Variants in MAF observed in about 807,000 individuals in gnomAD.
MAF encodes the protein transcription factor Maf.
In MAF, 10 loss-of-function variants were observed where a neutral mutation model predicts 22.0. The ratio of observed to expected loss-of-function variants is 0.45; its 90% CI spans 0.28 to 0.77. The LOEUF (loss-of-function observed/expected upper bound fraction) is 0.77, where lower values mean the gene tolerates loss of function less well. Ranked by LOEUF, MAF falls within the 30% of genes least tolerant of loss-of-function variation. The pLI is 0.12. For missense variants in MAF, 544 were observed against 548.4 expected, an observed-to-expected ratio of 0.99 and a Z score of 0.08; for synonymous variants, 337 against 255.8, an observed-to-expected ratio of 1.32 and a Z score of -3.03.
the MAF span, among the ~76,000 whole-genome samples, chr16:79,571,329 T>G: frequency 6.6e-6 from 1 of 151,970 alleles, no homozygotes; most frequent in African/African-American, 2.4e-5. Context: ...CAGATACACT[T>G]TCATTTTCCA....
the MAF span, among the ~76,000 whole-genome samples, chr16:79,574,338 A>T: frequency 3.9e-5 from 6 of 152,226 alleles, no homozygotes; most frequent in Admixed American, 3.3e-4. Flanking sequence ...GATGACAAAT[A>T]AATAAATATT....
At chr16:79,476,793 A>G in the MAF span, among the ~76,000 whole-genome samples, 7 of 152,202 alleles carry the variant, frequency 4.6e-5, no homozygotes, top group Non-Finnish European at 7.3e-5. Context: ...GTCACCCATT[A>G]CCTGGGTAAC....
chr16:79,553,998 A>G, the MAF span, among the ~76,000 whole-genome samples: 1 of 152,160 alleles, frequency 6.6e-6, no homozygotes, highest in Non-Finnish European at 1.5e-5. Context: ...CTGAGGCAGG[A>G]GAATTGCTTG....
chr16:79,508,481 T>C, the MAF span, among the ~76,000 whole-genome samples: 1 of 152,162 alleles, frequency 6.6e-6, no homozygotes, highest in Non-Finnish European at 1.5e-5. Flanking sequence ...ACTCCTGCTG[T>C]TGCCAGTCCC....
At chr16:79,249,966 C>T in the MAF span, among the ~76,000 whole-genome samples, 1 of 152,162 alleles carries the variant, frequency 6.6e-6, no homozygotes, top group Admixed American at 6.5e-5. Context: ...AATACAGGTC[C>T]CAGAGGGGTT....
the MAF span, among the ~76,000 whole-genome samples, chr16:79,224,759 C>T: frequency 2.6e-5 from 4 of 152,116 alleles, no homozygotes; most frequent in African/African-American, 7.2e-5. Context: ...CTCCTATTCA[C>T]AATTGCTACA....
At chr16:79,520,031 C>A in the MAF span, among the ~76,000 whole-genome samples, 1 of 152,192 alleles carries the variant, frequency 6.6e-6, no homozygotes, top group African/African-American at 2.4e-5. Flanking sequence ...GTAAATACCC[C>A]AAGCGTGTGC....
At chr16:79,527,371 C>A in the MAF span, among the ~76,000 whole-genome samples, 1 of 152,170 alleles carries the variant, frequency 6.6e-6, no homozygotes, top group Non-Finnish European at 1.5e-5. Context: ...CCCCAAGTGA[C>A]AAAAATCATT....
the MAF span, among the ~76,000 whole-genome samples, chr16:79,375,665 G>A: frequency 2.0e-5 from 3 of 152,018 alleles, no homozygotes; most frequent in East Asian, 5.8e-4. Context: ...ACTTCCCTGG[G>A]CATTTGACTC....
chr16:79,588,313 G>C (rs539309163), intron 1 of MAF, among the ~76,000 whole-genome samples: 2 of 152,338 alleles, frequency 1.3e-5, no homozygotes, highest in African/African-American at 2.4e-5. Flanking sequence ...ATTGCCCTAA[G>C]ACAGCAGTTT....
the MAF span, among the ~76,000 whole-genome samples, chr16:79,399,691 T>G: frequency 1.3e-5 from 2 of 152,198 alleles, no homozygotes; most frequent in South Asian, 4.1e-4. Flanking sequence ...CTAAGAAACA[T>G]AACCGAGATC....
the MAF span, among the ~76,000 whole-genome samples, chr16:79,347,902 G>T: frequency 6.6e-6 from 1 of 152,316 alleles, no homozygotes; most frequent in South Asian, 2.1e-4. Flanking sequence ...CGTGGTGGAA[G>T]AAAGGGATGT....
chr16:79,275,781 A>G, the MAF span, among the ~76,000 whole-genome samples: 1 of 152,202 alleles, frequency 6.6e-6, no homozygotes. Context: ...ACCATAGTGA[A>G]GTATCTCTTC....
chr16:79,375,495 G>A, the MAF span, among the ~76,000 whole-genome samples: 37 of 152,178 alleles, frequency 2.4e-4, no homozygotes, highest in Admixed American at 9.2e-4. Flanking sequence ...TGAAGATAAT[G>A]ATGGTGATGA....
At chr16:79,296,424 G>C in the MAF span, among the ~76,000 whole-genome samples, 32 of 152,148 alleles carry the variant, frequency 2.1e-4, no homozygotes, top group African/African-American at 7.7e-4. Context: ...GCGGGGTGTA[G>C]TGCCTAGGTG....
chr16:79,534,775 T>C, the MAF span, among the ~76,000 whole-genome samples: 4 of 152,144 alleles, frequency 2.6e-5, no homozygotes, highest in Admixed American at 1.3e-4. Context: ...CTGTGACCAG[T>C]TGTCAGGCAC....
At chr16:79,434,431 C>T in the MAF span, among the ~76,000 whole-genome samples, 1 of 152,160 alleles carries the variant, frequency 6.6e-6, no homozygotes, top group Non-Finnish European at 1.5e-5. Flanking sequence ...GTGAAGTCAA[C>T]CAGCTTTTGC....
chr16:79,555,719 T>G, the MAF span, among the ~76,000 whole-genome samples: 1 of 152,308 alleles, frequency 6.6e-6, no homozygotes, highest in Middle Eastern at 3.4e-3. Context: ...TCAATAAATA[T>G]AATGCAAATA....
At chr16:79,572,476 A>G in the MAF span, among the ~76,000 whole-genome samples, 2 of 152,222 alleles carry the variant, frequency 1.3e-5, no homozygotes, top group Non-Finnish European at 2.9e-5. Context: ...AATTCAATTA[A>G]CGCACATACG....
Sources: gnomAD v4.1 joint callset for allele counts (sites outside exome capture counted in the v4.1 genomes callset) on GRCh38, gnomAD v4.1.1 for gene constraint, MANE v1.5 for transcripts, NCBI Gene and HGNC (gene_info 2026-07-23, HGNC 2026-07-21) for gene names.